Variants in SYT13 observed in about 807,000 individuals in gnomAD.
SYT13 encodes synaptotagmin-13.
Under a neutral mutation model 38.6 loss-of-function variants are expected in SYT13, and 21 were observed. That is an observed-to-expected ratio of 0.54 (90% CI 0.39 to 0.78). The LOEUF (loss-of-function observed/expected upper bound fraction) is 0.78. Ranked by LOEUF, SYT13 falls within the 30% of genes least tolerant of loss-of-function variation. SYT13 has a pLI of 0.00. For missense variants in SYT13, 495 were observed against 548.7 expected (o/e 0.90, Z 0.98); for synonymous variants, 241 against 237.6 (o/e 1.01, Z -0.13).
At chr11:45,284,090 T>A (rs1855106849) in intron 1 of SYT13, among the ~76,000 whole-genome samples, 2 of 151,776 alleles carry the variant, frequency 1.3e-5, no homozygotes, top group Admixed American at 1.3e-4. Flanking sequence ...CAGAGAAAAA[T>A]GAAGGGGCAG....
intron 1 of SYT13, among the ~76,000 whole-genome samples, chr11:45,278,141 G>C (rs1855031504): frequency 6.6e-6 from 1 of 152,150 alleles, no homozygotes; most frequent in Non-Finnish European, 1.5e-5. Context: ...CACGTGTGTT[G>C]ATTCTGATAC....
chr11:45,270,266 A>T (rs947975557), intron 1 of SYT13, among the ~76,000 whole-genome samples: 1 of 152,160 alleles, frequency 6.6e-6, no homozygotes, highest in Admixed American at 6.5e-5. Flanking sequence ...TAGGAACACA[A>T]TTGTTTAATA....
intron 1 of SYT13, among the ~76,000 whole-genome samples, chr11:45,279,284 A>C (rs1055686341): frequency 1.3e-5 from 2 of 152,228 alleles, no homozygotes; most frequent in African/African-American, 2.4e-5. Context: ...GTGATAATTA[A>C]AATTAATATG....
chr11:45,256,172 C>T (rs1854744900), intron 1 of SYT13, among the ~76,000 whole-genome samples: 1 of 152,156 alleles, frequency 6.6e-6, no homozygotes, highest in African/African-American at 2.4e-5. Flanking sequence ...GGACCTGCTG[C>T]AGGTGGTCCC....
chr11:45,257,553 T>C (rs1412155812), intron 1 of SYT13, among the ~76,000 whole-genome samples: 1 of 152,174 alleles, frequency 6.6e-6, no homozygotes, highest in Non-Finnish European at 1.5e-5. Flanking sequence ...CTGCACTGTG[T>C]AGGGGAGGGA....
intron 4 of SYT13, among the ~76,000 whole-genome samples, chr11:45,250,597 C>T (rs1854661280): frequency 6.6e-6 from 1 of 152,172 alleles, no homozygotes. Flanking sequence ...AGTATTGATG[C>T]CTTCTCCCAG....
At chr11:45,285,096 G>C (rs1345454360) in intron 1 of SYT13, among the ~76,000 whole-genome samples, 1 of 152,168 alleles carries the variant, frequency 6.6e-6, no homozygotes, top group Non-Finnish European at 1.5e-5. Context: ...TCATGCCCCT[G>C]CCCCAGGGCC....
At chr11:45,275,289 G>A (rs1288836666) in intron 1 of SYT13, among the ~76,000 whole-genome samples, 2 of 152,174 alleles carry the variant, frequency 1.3e-5, no homozygotes, top group African/African-American at 4.8e-5. Flanking sequence ...ATAGGGAGAG[G>A]AATCAATGAA....
chr11:45,260,145 G>T (rs948601911), intron 1 of SYT13, among the ~76,000 whole-genome samples: 9 of 152,138 alleles, frequency 5.9e-5, no homozygotes, highest in African/African-American at 2.2e-4. Context: ...CCAGCCCAAG[G>T]CATCCTCATT....
At chr11:45,266,445 TTTTG>T (rs746854661) in intron 1 of SYT13, among the ~76,000 whole-genome samples, 3 of 152,086 alleles carry the variant, frequency 2.0e-5, no homozygotes, top group Non-Finnish European at 4.4e-5. Context: ...GAAAAGTTTC[TTTTG>T]TTTATTTTAT....
At chr11:45,273,361 C>T (rs939799677) in intron 1 of SYT13, among the ~76,000 whole-genome samples, 3 of 152,124 alleles carry the variant, frequency 2.0e-5, no homozygotes, top group African/African-American at 7.2e-5. Context: ...CCTCACACTC[C>T]TCTTGTCCTC....
intron 1 of SYT13, among the ~76,000 whole-genome samples, chr11:45,270,592 A>T (rs929192723): frequency 6.6e-6 from 1 of 152,236 alleles, no homozygotes; most frequent in Non-Finnish European, 1.5e-5. Context: ...CATATATTCA[A>T]GGTTATCCTT....
At chr11:45,253,761 G>T (rs567419764) in intron 3 of SYT13, 1 of 150,264 alleles carries the variant, frequency 6.7e-6, no homozygotes, top group East Asian at 1.9e-4. Flanking sequence ...TGGCAGAGAC[G>T]ACTAGTTCTT....
chr11:45,248,001 G>A (rs888123321), intron 4 of SYT13, among the ~76,000 whole-genome samples: 1 of 152,202 alleles, frequency 6.6e-6, no homozygotes, highest in Non-Finnish European at 1.5e-5. Flanking sequence ...CCCAGAATAA[G>A]AGTAATGCTG....
intron 1 of SYT13, among the ~76,000 whole-genome samples, chr11:45,272,698 G>A (rs75082042): frequency 0.013 from 1,936 of 152,234 alleles, 42 homozygotes; most frequent in African/African-American, 0.045. Context: ...AGAGTACCTG[G>A]CTCCAAATTA....
chr11:45,279,469 C>T (rs1022012845), intron 1 of SYT13, among the ~76,000 whole-genome samples: 1 of 152,040 alleles, frequency 6.6e-6, no homozygotes, highest in African/African-American at 2.4e-5. Flanking sequence ...TGACTGTATT[C>T]CCAGCTACTT....
intron 1 of SYT13, among the ~76,000 whole-genome samples, chr11:45,262,448 G>A (rs1157557754): frequency 6.6e-6 from 1 of 152,180 alleles, no homozygotes; most frequent in Admixed American, 6.5e-5. Context: ...AACTGAGGCT[G>A]GGCGCGGTGG....
At chr11:45,264,888 C>T (rs896644631) in intron 1 of SYT13, among the ~76,000 whole-genome samples, 10 of 152,174 alleles carry the variant, frequency 6.6e-5, no homozygotes, top group South Asian at 2.1e-4. Flanking sequence ...TCACTAGTGC[C>T]GGTGGAAGGG....
At position 45,240,331 on chromosome 11, in the gene SYT13, C is replaced by T. The variant is rs1284189512; in HGVS notation, c.*3721G>A. ...GTTGGAAATTTTTTATTTACCACTG[C>T]AAGGTTTTTGCTCCAAAGTGTCACA... On this transcript the variant is annotated 3_prime_UTR_variant, in exon 6 of 6. Coordinates refer to ENST00000020926, the MANE Select transcript of SYT13 (RefSeq NM_020826.3). The T allele has an allele frequency of 6.6e-6, 1 of 152,630 alleles. No individual in the cohort carries two copies. Among genetic ancestry groups the T allele is most frequent in the Non-Finnish European group, 1.5e-5 (1 of 68,042 alleles). The allele number at this position is 152,630 out of a possible 1,614,324, so 9.5% of individuals were successfully genotyped here. A position where few individuals can be genotyped will look rare whatever the true frequency, so the allele number is the denominator to read the frequency against.
Sources: gnomAD v4.1 joint callset for allele counts (sites outside exome capture counted in the v4.1 genomes callset) on GRCh38, gnomAD v4.1.1 for gene constraint, MANE v1.5 for transcripts, NCBI Gene and HGNC (gene_info 2026-07-23, HGNC 2026-07-21) for gene names.